The following DUSP22 variants were observed in gnomAD, a reference collection of about 807,000 sequenced individuals.
The protein encoded by DUSP22 is dual specificity phosphatase 22.
DUSP22 carries 24 observed loss-of-function variants against 24.5 expected under a neutral mutation model. The ratio of observed to expected loss-of-function variants is 0.98; its 90% CI spans 0.71 to 1.38. DUSP22 has a LOEUF of 1.38. Ranked by LOEUF, DUSP22 falls within the 40% of genes most tolerant of loss-of-function variation. DUSP22 has a pLI of 0.00. For missense variants in DUSP22, 330 were observed against 269.2 expected (o/e 1.23, Z -1.58); for synonymous variants, 160 against 106.4 (o/e 1.50, Z -3.10).
At chr6:314,464 A>G (rs1581159798) in intron 3 of DUSP22, among the ~76,000 whole-genome samples, 1 of 152,398 alleles carries the variant, frequency 6.6e-6, no homozygotes, top group South Asian at 2.1e-4. Flanking sequence ...GTCATTTCCA[A>G]CAAACATCTC....
At position 295,369 on chromosome 6, in the gene DUSP22, C is replaced by T. The variant is rs563834018; in HGVS notation, c.21+2809C>T. The stretch of plus-strand genomic sequence containing the variant: ...GGTGGCTCTTCTTGTCGGTCCGTTC[C>T]GGGCTCCTGTACGGCGGAATATTGT... On this transcript the variant is annotated intron_variant, in intron 1 of 6. Coordinates refer to ENST00000419235, the MANE Select transcript of DUSP22 (RefSeq NM_001286555.3). 6.6e-5 allele frequency among the ~76,000 whole-genome samples: 10 copies of T among 152,278 alleles called. No individual in the cohort carries two copies. The South Asian group carries it at 8.3e-4, about 13-fold the overall frequency.
At chr6:347,089 T>A (rs574112631) in intron 5 of DUSP22, among the ~76,000 whole-genome samples, 237 of 152,328 alleles carry the variant, frequency 1.6e-3, no homozygotes, top group South Asian at 3.7e-3. Flanking sequence ...TTAACATACC[T>A]TGGGGGTTCA....
intron 2 of DUSP22, among the ~76,000 whole-genome samples, chr6:306,756 T>C (rs1031676988): frequency 1.1e-4 from 17 of 152,426 alleles, no homozygotes; most frequent in Non-Finnish European, 2.2e-4. Context: ...ACACACGATG[T>C]GCTGGGAGTT....
chr6:345,077 C>T (rs1220985720), intron 4 of DUSP22, among the ~76,000 whole-genome samples: 2 of 152,418 alleles, frequency 1.3e-5, no homozygotes, highest in South Asian at 2.1e-4. Flanking sequence ...TCCAGACAAC[C>T]CACAGCCTTC....
intron 6 of DUSP22, 23 bp downstream of exon 6, chr6:348,297 C>T: frequency 6.2e-7 from 1 of 1,613,656 alleles, no homozygotes; most frequent in South Asian, 1.1e-5. Flanking sequence ...TAGGGGACAT[C>T]AGAGATGCAG....
chr6:317,010 T>A (rs889263356), intron 3 of DUSP22, among the ~76,000 whole-genome samples: 2 of 152,306 alleles, frequency 1.3e-5, no homozygotes, highest in Non-Finnish European at 2.9e-5. Context: ...GATGTTTTCA[T>A]ATGCAGACAT....
chr6:346,496 A>T (rs1382069703), intron 5 of DUSP22, among the ~76,000 whole-genome samples: 1 of 152,290 alleles, frequency 6.6e-6, no homozygotes, highest in Non-Finnish European at 1.5e-5. Context: ...TAACCCGAGG[A>T]TGATGCATCT....
intron 3 of DUSP22, among the ~76,000 whole-genome samples, chr6:314,030 G>A (rs1758224983): frequency 6.6e-6 from 1 of 152,308 alleles, no homozygotes. Flanking sequence ...GGGAAATGAT[G>A]TGTTTGGAGT....
At chr6:302,516 C>T (rs542083803) in intron 1 of DUSP22, among the ~76,000 whole-genome samples, 38 of 152,410 alleles carry the variant, frequency 2.5e-4, no homozygotes, top group South Asian at 6.2e-4. Context: ...AAGCCCTCTG[C>T]GACCCCAGAG....
At chr6:299,719 A>G (rs537721830) in intron 1 of DUSP22, among the ~76,000 whole-genome samples, 2 of 152,428 alleles carry the variant, frequency 1.3e-5, no homozygotes, top group Non-Finnish European at 1.5e-5. Context: ...AATTCCTTTT[A>G]AGAAGTTGCC....
At position 350,227 on chromosome 6, in the gene DUSP22, A is replaced by G. The variant is rs532688276; in HGVS notation, c.*1276A>G. On this transcript the variant is annotated 3_prime_UTR_variant, in exon 7 of 7. Transcript: ENST00000419235. Reference sequence around the variant, plus strand: ...TATCATTGAGCTATTTAAAGTTGCCAGTTTGGGCTCCAGTAATGCTTTCTG... The same window carrying G: ...TATCATTGAGCTATTTAAAGTTGCCGGTTTGGGCTCCAGTAATGCTTTCTG... The G allele has an allele frequency of 4.0e-6, 4 of 988,064 alleles. No homozygotes were observed. In the African/African-American group the frequency reaches 5.2e-5, roughly 13 times the overall value. The allele number at this position is 988,064 out of a possible 1,614,324, so 61.2% of individuals were successfully genotyped here.
At position 349,055 on chromosome 6, in the gene DUSP22, C is replaced by A; in HGVS notation, c.*104C>A. 6.7e-7 allele frequency: 1 copy of A among 1,497,086 alleles called. No homozygotes were observed. Among genetic ancestry groups the A allele is most frequent in the South Asian group, 1.3e-5 (1 of 75,130 alleles). The allele number at this position is 1,497,086 out of a possible 1,614,324, so 92.7% of individuals were successfully genotyped here. ...GATGAGGACAGGAAAGGGAGATAGC[C>A]AGGGCGAGGTGGGGCGAGGGCTCCT... On this transcript the variant is annotated 3_prime_UTR_variant, in exon 7 of 7. Coordinates refer to ENST00000419235, the MANE Select transcript of DUSP22 (RefSeq NM_001286555.3).
At chr6:315,319 G>A (rs1451455548) in intron 3 of DUSP22, among the ~76,000 whole-genome samples, 1 of 152,302 alleles carries the variant, frequency 6.6e-6, no homozygotes, top group African/African-American at 2.4e-5. Flanking sequence ...AGAAATCCCA[G>A]CTAAACAGGG....
intron 2 of DUSP22, among the ~76,000 whole-genome samples, chr6:311,588 G>C (rs1398051202): frequency 8.5e-5 from 13 of 152,408 alleles, no homozygotes; most frequent in Non-Finnish European, 1.6e-4. Flanking sequence ...GCTGAGGCAG[G>C]AGAATTGTGT....
chr6:327,396 C>A (rs1758930362), intron 3 of DUSP22, among the ~76,000 whole-genome samples: 1 of 152,304 alleles, frequency 6.6e-6, no homozygotes, highest in African/African-American at 2.4e-5. Flanking sequence ...GGTGCCGTGG[C>A]CAGCCTGGGA....
chr6:329,845 C>T (rs1403664274), intron 3 of DUSP22, among the ~76,000 whole-genome samples: 3 of 152,234 alleles, frequency 2.0e-5, no homozygotes, highest in African/African-American at 7.2e-5. Context: ...TGTTTCTCAT[C>T]ATAGTGTTAC....
At chr6:312,653 A>G (rs986286031) in intron 3 of DUSP22, among the ~76,000 whole-genome samples, 1 of 152,286 alleles carries the variant, frequency 6.6e-6, no homozygotes, top group Non-Finnish European at 1.5e-5. Context: ...GTGTTTTTCT[A>G]TTTTAGGGTG....
intron 1 of DUSP22, among the ~76,000 whole-genome samples, chr6:302,753 G>A (rs1757642148): frequency 6.6e-6 from 1 of 152,308 alleles, no homozygotes; most frequent in African/African-American, 2.4e-5. Context: ...TGTAAAAAGT[G>A]ATCCTGACAC....
At chr6:344,375 T>C (rs1162502407) in intron 4 of DUSP22, among the ~76,000 whole-genome samples, 1 of 152,300 alleles carries the variant, frequency 6.6e-6, no homozygotes, top group Non-Finnish European at 1.5e-5. Context: ...AGCCTTAACC[T>C]CCTGGGCTCA....
Sources: allele counts gnomAD v4.1 joint callset (sites outside exome capture counted in the v4.1 genomes callset), GRCh38; gene constraint gnomAD v4.1.1; transcripts MANE v1.5; gene names NCBI Gene and HGNC (gene_info 2026-07-23, HGNC 2026-07-21).